MICAL2: variants seen among roughly 807,000 people sequenced by gnomAD.
MICAL2 encodes [F-actin]-monooxygenase MICAL2.
Under a neutral mutation model 127.3 loss-of-function variants are expected in MICAL2, and 77 were observed. The observed-to-expected ratio is 0.60, with a 90% CI of 0.50 to 0.73. The LOEUF is 0.73. MICAL2 is among the 30% of genes least tolerant of loss of function. MICAL2 has a pLI of 0.00. For synonymous variants in MICAL2, 570 were observed against 551.1 expected, an observed-to-expected ratio of 1.03 and a Z score of -0.48; for missense variants, 1,351 against 1,434.4, an observed-to-expected ratio of 0.94 and a Z score of 0.94.
upstream of MICAL2, among the ~76,000 whole-genome samples, chr11:12,272,501 G>A (rs1292336753): frequency 1.3e-5 from 2 of 152,210 alleles, no homozygotes; most frequent in Non-Finnish European, 1.5e-5. Context: ...GCCTGGATCT[G>A]AGGAGGACAC....
intron 2 of MICAL2, among the ~76,000 whole-genome samples, chr11:12,146,053 C>T (rs918143739): frequency 1.3e-5 from 2 of 152,114 alleles, no homozygotes; most frequent in African/African-American, 4.8e-5. Context: ...ACACCTTATA[C>T]AAAAATTAAT....
intron 30 of MICAL2, chr11:12,319,889 G>T: frequency 2.9e-6 from 3 of 1,045,664 alleles, no homozygotes; most frequent in Non-Finnish European, 4.5e-6. Context: ...ACCAATGTGG[G>T]CTCCAGCTGC....
intron 32 of MICAL2, among the ~76,000 whole-genome samples, chr11:12,333,599 G>C (rs1938689616): frequency 6.6e-6 from 1 of 152,166 alleles, no homozygotes; most frequent in African/African-American, 2.4e-5. Flanking sequence ...GTTGTTTCCA[G>C]ATGCTAGGAT....
intron 3 of MICAL2, among the ~76,000 whole-genome samples, chr11:12,174,304 T>C (rs899754877): frequency 3.3e-5 from 5 of 152,144 alleles, no homozygotes; most frequent in Admixed American, 1.3e-4. Flanking sequence ...AGGTTTTCCA[T>C]CTTGCAAAAA....
At chr11:12,195,703 TTC>T (rs1381195691) in intron 3 of MICAL2, among the ~76,000 whole-genome samples, 1 of 94,034 alleles carries the variant, frequency 1.1e-5, no homozygotes, top group African/African-American at 3.9e-5. Flanking sequence ...TGCAATAGAT[TTC>T]TTTTTTTTTT....
chr11:12,211,390 C>A (rs2134181971), intron 6 of MICAL2, among the ~76,000 whole-genome samples: 1 of 152,080 alleles, frequency 6.6e-6, no homozygotes, highest in South Asian at 2.1e-4. Flanking sequence ...CAGAAAAAAA[C>A]AAAACAAAAC....
downstream of MICAL2, chr11:12,293,454 A>AAATTTTTTAATT (rs1863929280): frequency 7.3e-7 from 1 of 1,367,804 alleles, no homozygotes; most frequent in Non-Finnish European, 9.9e-7. Flanking sequence ...GGCATCTGAG[A>AAATTTTTTAATT]TGGGAAGAAA....
At chr11:12,259,702 T>C (rs997077552) in intron 25 of MICAL2, 93 bp from the exon 26 acceptor site, 15 of 1,170,104 alleles carry the variant, frequency 1.3e-5, no homozygotes, top group Non-Finnish European at 1.8e-5. Context: ...TTGCAGGGTC[T>C]GGCGAGTTCA....
chr11:12,292,216 G>A (rs763990582), downstream of MICAL2: 20 of 1,613,458 alleles, frequency 1.2e-5, no homozygotes, highest in South Asian at 1.1e-4. Flanking sequence ...TTCCTTCATC[G>A]TCTTCCCATT....
intron 10 of MICAL2, 148 bp downstream of exon 10, chr11:12,221,907 C>G: frequency 3.4e-6 from 2 of 588,846 alleles, no homozygotes; most frequent in East Asian, 5.9e-5. Flanking sequence ...ATTTGATCAT[C>G]AGCATCCCCA....
chr11:12,262,074 C>T, intron 26 of MICAL2: 1 of 1,083,746 alleles, frequency 9.2e-7, no homozygotes, highest in South Asian at 2.8e-5. Context: ...CAGGGCGTGC[C>T]TGTCAGAAAT....
At chr11:12,284,126 A>G (rs866448956) in intron 2 of MICAL2, among the ~76,000 whole-genome samples, 9 of 152,242 alleles carry the variant, frequency 5.9e-5, no homozygotes, top group Non-Finnish European at 1.0e-4. Context: ...AAATGAATCG[A>G]TCTAGTGCAT....
chr11:12,285,319 T>A (rs545079064), intron 2 of MICAL2, among the ~76,000 whole-genome samples: 7 of 152,130 alleles, frequency 4.6e-5, no homozygotes, highest in Non-Finnish European at 8.8e-5. Context: ...AAGATGCAAT[T>A]TGGGAAGGTT....
At chr11:12,215,176 G>A (rs534574340) in intron 7 of MICAL2, among the ~76,000 whole-genome samples, 5 of 152,362 alleles carry the variant, frequency 3.3e-5, no homozygotes, top group East Asian at 3.9e-4. Context: ...AGGACATTGA[G>A]TGGGTTTTTC....
At chr11:12,222,244 C>A (rs879398399) in intron 10 of MICAL2, among the ~76,000 whole-genome samples, 1 of 152,074 alleles carries the variant, frequency 6.6e-6, no homozygotes, top group Non-Finnish European at 1.5e-5. Context: ...GGCTGGCGGG[C>A]GGAGGCAGGC....
intron 8 of MICAL2, among the ~76,000 whole-genome samples, chr11:12,217,967 A>G (rs924114425): frequency 6.6e-6 from 1 of 152,038 alleles, no homozygotes; most frequent in Admixed American, 6.6e-5. Flanking sequence ...TTAAATTTAC[A>G]TTGTTCTCTT....
intron 30 of MICAL2, among the ~76,000 whole-genome samples, chr11:12,322,221 G>A (rs1590737060): frequency 6.6e-6 from 1 of 152,238 alleles, no homozygotes; most frequent in East Asian, 1.9e-4. Context: ...AGCTCAAGGG[G>A]CAGTTGTTAA....
chr11:12,351,905 C>T (rs1939052686), intron 33 of MICAL2, among the ~76,000 whole-genome samples: 1 of 151,882 alleles, frequency 6.6e-6, no homozygotes, highest in Non-Finnish European at 1.5e-5. Flanking sequence ...ATTCTTCTGC[C>T]TCAGCCTCCC....
At chr11:12,117,117 A>G (rs1038328187) in intron 1 of MICAL2, among the ~76,000 whole-genome samples, 5 of 152,192 alleles carry the variant, frequency 3.3e-5, no homozygotes, top group African/African-American at 1.2e-4. Flanking sequence ...TCTTTTGATG[A>G]ATTACAGAGG....
Sources: gnomAD v4.1 joint callset for allele counts (sites outside exome capture counted in the v4.1 genomes callset) on GRCh38, gnomAD v4.1.1 for gene constraint, MANE v1.5 for transcripts, NCBI Gene and HGNC (gene_info 2026-07-23, HGNC 2026-07-21) for gene names.